Variants in DRC5 observed in about 807,000 individuals in gnomAD.
DRC5 encodes T-complex-associated testis-expressed protein 1.
At chr6:44,284,020 T>G in the DRC5 span, among the ~76,000 whole-genome samples, 1 of 152,184 alleles carries the variant, frequency 6.6e-6, no homozygotes, top group South Asian at 2.1e-4. Context: ...ACACTGGTTT[T>G]AAACATATGT....
At chr6:44,297,059 T>G in the DRC5 span, among the ~76,000 whole-genome samples, 1 of 8,482 alleles carries the variant, frequency 1.2e-4, no homozygotes, top group Non-Finnish European at 6.0e-4. Context: ...CCAGCGGCTC[T>G]GGAGTCTCCC....
the DRC5 span, among the ~76,000 whole-genome samples, chr6:44,295,493 A>T: frequency 6.6e-6 from 1 of 152,136 alleles, no homozygotes; most frequent in African/African-American, 2.4e-5. Context: ...ACAGGGAACA[A>T]CGTCTATACC....
the DRC5 span, among the ~76,000 whole-genome samples, chr6:44,288,993 C>CAAAAAAAA: frequency 0.01 from 341 of 32,758 alleles, 26 homozygotes; most frequent in African/African-American, 0.031. Context: ...GACTCTGTCT[C>CAAAAAAAA]AAAAAAAAAA....
At chr6:44,294,125 G>A in the DRC5 span, among the ~76,000 whole-genome samples, 17 of 152,112 alleles carry the variant, frequency 1.1e-4, no homozygotes, top group South Asian at 3.1e-3. Context: ...TGGGATTACA[G>A]GCATGCACCA....
the DRC5 span, among the ~76,000 whole-genome samples, chr6:44,293,845 G>T: frequency 6.6e-6 from 1 of 152,174 alleles, no homozygotes; most frequent in Non-Finnish European, 1.5e-5. Context: ...CCCCCTAAAT[G>T]AAACAAAATT....
chr6:44,285,417 T>C, the DRC5 span, among the ~76,000 whole-genome samples: 1 of 152,144 alleles, frequency 6.6e-6, no homozygotes, highest in Non-Finnish European at 1.5e-5. Context: ...GGAGACAGGG[T>C]CTCATTTTGT....
the DRC5 span, chr6:44,286,618 C>CT: frequency 4.8e-6 from 6 of 1,245,354 alleles, no homozygotes; most frequent in Non-Finnish European, 6.7e-6. Flanking sequence ...TGCCTGGGAG[C>CT]ACCAGGCAAA....
At chr6:44,285,745 T>C in the DRC5 span, among the ~76,000 whole-genome samples, 21 of 152,156 alleles carry the variant, frequency 1.4e-4, no homozygotes, top group African/African-American at 4.8e-4. Context: ...AGCGCAGCTG[T>C]TTGTTCAATG....
the DRC5 span, among the ~76,000 whole-genome samples, chr6:44,296,301 C>T: frequency 6.6e-6 from 1 of 152,196 alleles, no homozygotes; most frequent in Non-Finnish European, 1.5e-5. Context: ...AGGGTTATAC[C>T]CTTGGTGCTG....
At chr6:44,283,848 C>T in the DRC5 span, among the ~76,000 whole-genome samples, 1 of 152,222 alleles carries the variant, frequency 6.6e-6, no homozygotes. Context: ...TCAGGGGCCT[C>T]CTTGCTGAGC....
the DRC5 span, among the ~76,000 whole-genome samples, chr6:44,289,197 C>T: frequency 2.2e-4 from 34 of 151,366 alleles, 1 homozygote; most frequent in Non-Finnish European, 3.7e-4. Context: ...CCACCACCCC[C>T]AGCTAATTTT....
chr6:44,281,587 G>A, the DRC5 span, among the ~76,000 whole-genome samples: 97 of 152,346 alleles, frequency 6.4e-4, no homozygotes, highest in Non-Finnish European at 1.2e-3. Context: ...GTTTCACCAT[G>A]TTGGCCAGAC....
the DRC5 span, among the ~76,000 whole-genome samples, chr6:44,288,155 C>T: frequency 6.6e-6 from 1 of 152,020 alleles, no homozygotes; most frequent in Admixed American, 6.5e-5. Flanking sequence ...ATAATGCATC[C>T]AAAGGGCATA....
At chr6:44,293,858 A>G in the DRC5 span, among the ~76,000 whole-genome samples, 2 of 152,278 alleles carry the variant, frequency 1.3e-5, no homozygotes, top group East Asian at 1.9e-4. Context: ...ACAAAATTTA[A>G]TATCAATACT....
chr6:44,282,487 G>A, the DRC5 span: 6 of 1,610,236 alleles, frequency 3.7e-6, no homozygotes, highest in Non-Finnish European at 5.1e-6. Flanking sequence ...TCGAGGACTG[G>A]GTGGTCCAGA....
At chr6:44,295,779 C>T in the DRC5 span, among the ~76,000 whole-genome samples, 1 of 152,198 alleles carries the variant, frequency 6.6e-6, no homozygotes, top group Admixed American at 6.5e-5. Context: ...CAAATCTCCA[C>T]GGTGCCCCCC....
At chr6:44,284,110 C>T in the DRC5 span, among the ~76,000 whole-genome samples, 63 of 152,234 alleles carry the variant, frequency 4.1e-4, 1 homozygote, top group Middle Eastern at 0.02. Context: ...CTTGAAAAAG[C>T]TGATCACAGC....
chr6:44,279,162 A>T, the DRC5 span: 4 of 152,332 alleles, frequency 2.6e-5, no homozygotes, highest in African/African-American at 9.6e-5. Flanking sequence ...GCTCAGCCTG[A>T]ATCAGTCAGC....
chr6:44,293,334 T>C, the DRC5 span, among the ~76,000 whole-genome samples: 2 of 143,926 alleles, frequency 1.4e-5, no homozygotes, highest in African/African-American at 5.1e-5. Flanking sequence ...AAAAAAAGTC[T>C]GGGTGTGGTG....
Sources: allele counts gnomAD v4.1 joint callset (sites outside exome capture counted in the v4.1 genomes callset), GRCh38; gene constraint gnomAD v4.1.1; transcripts MANE v1.5; gene names NCBI Gene and HGNC (gene_info 2026-07-23, HGNC 2026-07-21).